The following YWHAZ variants were observed in gnomAD, a reference collection of about 807,000 sequenced individuals.
YWHAZ encodes the protein 14-3-3 protein zeta/delta.
For synonymous variants in YWHAZ, 87 were observed against 103.6 expected, an observed-to-expected ratio of 0.84 and a Z score of 0.97; for missense variants, 79 against 284.8, an observed-to-expected ratio of 0.28 and a Z score of 5.20.
At chr8:100,921,848 T>G (rs1424333631) in intron 5 of YWHAZ, among the ~76,000 whole-genome samples, 1 of 152,250 alleles carries the variant, frequency 6.6e-6, no homozygotes, top group Non-Finnish European at 1.5e-5. Flanking sequence ...CTAGTGATTT[T>G]CAGAGGTAAT....
rs1170760564 is a variant in YWHAZ, at chr8:100,916,618, A to T, written c.*4075T>A. On this transcript the variant is annotated 3_prime_UTR_variant, in exon 6 of 6. Transcript: ENST00000395958. The stretch of plus-strand genomic sequence containing the variant: ...AAATTCGGAATACTAAGAAGTAATC[A>T]ATTAAGACCAGTTAGGTTTGGACTT... 2 of 152,264 alleles carry T rather than the reference A, an allele frequency of 1.3e-5. No individual in the cohort carries two copies. The highest frequency in any genetic ancestry group is 2.9e-5 in the Non-Finnish European group (2 of 68,044). 9.4% of individuals were successfully genotyped at this position (152,264 alleles called of 1,614,324 possible).
intron 2 of YWHAZ, among the ~76,000 whole-genome samples, chr8:100,928,506 TG>T (rs1284624286): frequency 6.6e-6 from 1 of 151,740 alleles, no homozygotes; most frequent in Non-Finnish European, 1.5e-5. Flanking sequence ...CTGAGGCGGG[TG>T]GATCACCTGA....
chr8:100,950,204 T>C (rs539002373), intron 1 of YWHAZ, among the ~76,000 whole-genome samples: 1 of 152,370 alleles, frequency 6.6e-6, no homozygotes, highest in Admixed American at 6.5e-5. Flanking sequence ...TCTAAATTAC[T>C]GATTTTTCCC....
chr8:100,934,513 T>G (rs1230110038), intron 2 of YWHAZ, among the ~76,000 whole-genome samples: 1 of 151,788 alleles, frequency 6.6e-6, no homozygotes, highest in Non-Finnish European at 1.5e-5. Flanking sequence ...CCAGCCTGGC[T>G]AACATGGCGA....
At chr8:100,920,921 CT>C (rs1046040318) in intron 5 of YWHAZ, among the ~76,000 whole-genome samples, 169 bp from the exon 6 acceptor site, 8 of 151,330 alleles carry the variant, frequency 5.3e-5, no homozygotes, top group African/African-American at 1.5e-4. Flanking sequence ...TACAAATTTA[CT>C]TTTTTTGTAA....
rs1181596896 is a variant in YWHAZ at position 100,948,907 on chromosome 8, G to A, written c.-11-7C>T. On this transcript the variant is annotated splice_polypyrimidine_tract_variant and splice_region_variant and intron_variant, in intron 1 of 5. Coordinates refer to ENST00000395958, the MANE Select transcript of YWHAZ (RefSeq NM_145690.3). This position sits in a 1 kb window ranked among gnomAD's most constrained non-coding sequence, Gnocchi z 4.2. ...TTATCCATGACTGGATGTTCTGCAG[G>A]GGGGAAAAAAGGAGTATTTAAAATT... The A allele has an allele frequency of 7.1e-6, 11 of 1,559,604 alleles. No homozygotes were observed. The highest frequency in any genetic ancestry group is 1.4e-5 in the African/African-American group (1 of 72,770).
chr8:100,937,444 T>C (rs1318677599), intron 2 of YWHAZ, among the ~76,000 whole-genome samples: 2 of 152,222 alleles, frequency 1.3e-5, no homozygotes, highest in Non-Finnish European at 1.5e-5. Flanking sequence ...GGTCCTAATA[T>C]TAAATTTAAT....
At chr8:100,951,110 T>A in intron 1 of YWHAZ, 1 of 896,398 alleles carries the variant, frequency 1.1e-6, no homozygotes, top group Non-Finnish European at 1.3e-6. Flanking sequence ...CCAGGAAAAT[T>A]CAAGTCCTTC....
At chr8:100,933,922 C>T (rs1003307662) in intron 2 of YWHAZ, among the ~76,000 whole-genome samples, 10 of 151,714 alleles carry the variant, frequency 6.6e-5, no homozygotes, top group South Asian at 4.2e-4. Context: ...TTTGGGAGGC[C>T]GAGGTGGGTG....
chr8:100,926,623 TAAATAA>T (rs1813383340), intron 2 of YWHAZ, among the ~76,000 whole-genome samples: 1 of 152,080 alleles, frequency 6.6e-6, no homozygotes, highest in Non-Finnish European at 1.5e-5. Context: ...CATCTCAAAA[TAAATAA>T]AAATAAAATA....
intron 2 of YWHAZ, among the ~76,000 whole-genome samples, chr8:100,944,974 T>C (rs1810156277): frequency 6.6e-6 from 1 of 152,226 alleles, no homozygotes; most frequent in African/African-American, 2.4e-5. Flanking sequence ...TGTATTTCCT[T>C]GGTATTCATT....
intron 1 of YWHAZ, chr8:100,950,610 C>T: frequency 7.1e-6 from 7 of 985,980 alleles, no homozygotes; most frequent in Non-Finnish European, 8.4e-6. Context: ...ATTCCTCCCC[C>T]CGACCGGAGC....
chr8:100,953,106 A>C (rs940879913), upstream of YWHAZ: 1 of 989,436 alleles, frequency 1.0e-6, no homozygotes, highest in Non-Finnish European at 1.2e-6. Flanking sequence ...CCGAGGGGAA[A>C]GGACAGCCTT....
chr8:100,951,851 G>A, intron 1 of YWHAZ, 78 bp downstream of exon 1: 2 of 987,472 alleles, frequency 2.0e-6, no homozygotes, highest in Non-Finnish European at 2.4e-6. Context: ...TGAGGGGACG[G>A]AGCGAGGACG....
At chr8:100,940,057 C>G (rs373632860) in intron 2 of YWHAZ, among the ~76,000 whole-genome samples, 1 of 108,770 alleles carries the variant, frequency 9.2e-6, no homozygotes, top group African/African-American at 3.3e-5. Flanking sequence ...AGCGAGACTC[C>G]GTCTCAAAAA....
chr8:100,953,091 G>C (rs149554895), upstream of YWHAZ: 2,181 of 991,862 alleles, frequency 2.2e-3, 31 homozygotes, highest in African/African-American at 0.033. Flanking sequence ...AGGGAAGCCA[G>C]AGTTCCGAGG....
In YWHAZ at chr8:100,917,816, C is replaced by T. The variant is rs1449790727; in HGVS notation, c.*2877G>A. 2 of 152,238 alleles carry T rather than the reference C, an allele frequency of 1.3e-5. No homozygotes were observed. Among genetic ancestry groups the T allele is most frequent in the East Asian group, 1.9e-4 (1 of 5,186 alleles). The allele number at this position is 152,238 out of a possible 1,614,324, so 9.4% of individuals were successfully genotyped here. A position where few individuals can be genotyped will look rare whatever the true frequency, so the allele number is the denominator to read the frequency against. ...AGGATGTTACATTGACAAAAGCAGA[C>T]GTAAAGCCTGGATTTGGGACAATCA... On this transcript the variant is annotated 3_prime_UTR_variant, in exon 6 of 6. Coordinates refer to ENST00000395958, the MANE Select transcript of YWHAZ (RefSeq NM_145690.3).
chr8:100,927,686 T>C (rs184365761), intron 2 of YWHAZ, among the ~76,000 whole-genome samples: 1 of 152,340 alleles, frequency 6.6e-6, no homozygotes, highest in African/African-American at 2.4e-5. Context: ...TTAAATTTTT[T>C]TAGGAAAGGT....
At position 100,948,963 on chromosome 8, in the gene YWHAZ, A is replaced by G; in HGVS notation, c.-11-63T>C. ...CATCAAAATAAACAGACTCAAAATT[A>G]TACCTGTGGTAAATGAGTTTTTTAA... is the stretch of plus-strand genomic sequence containing the variant. On this transcript the variant is annotated intron_variant, in intron 1 of 5. Coordinates refer to ENST00000395958, the MANE Select transcript of YWHAZ (RefSeq NM_145690.3). The surrounding 1 kb of genome is among the most constrained non-coding windows in gnomAD (Gnocchi z 4.2). 2.0e-6 allele frequency: 3 copies of G among 1,502,832 alleles called. No homozygotes were observed. The highest frequency in any genetic ancestry group is 2.7e-6 in the Non-Finnish European group (3 of 1,131,688). 93.1% of individuals were successfully genotyped at this position (1,502,832 alleles called of 1,614,324 possible).
Sources: gnomAD v4.1 joint callset for allele counts (sites outside exome capture counted in the v4.1 genomes callset) on GRCh38, gnomAD v4.1.1 for gene constraint, Gnocchi (gnomAD v3.1) non-coding constraint, MANE v1.5 for transcripts, NCBI Gene and HGNC (gene_info 2026-07-23, HGNC 2026-07-21) for gene names.